Variants in MYO18B observed in about 807,000 individuals in gnomAD.
MYO18B encodes the protein unconventional myosin-XVIIIb.
A neutral mutation model predicts 273.0 loss-of-function variants in MYO18B; 204 were observed. That is an observed-to-expected ratio of 0.75 (90% CI 0.67 to 0.84). MYO18B has a LOEUF of 0.84. Ranked by LOEUF, MYO18B falls within the 40% of genes least tolerant of loss-of-function variation. The pLI is 0.00. For missense variants in MYO18B, 3,212 were observed against 3,287.6 expected, an observed-to-expected ratio of 0.98 and a Z score of 0.56; for synonymous variants, 1,330 against 1,305.7, an observed-to-expected ratio of 1.02 and a Z score of -0.40.
At chr22:26,047,522 G>A in the MYO18B span, among the ~76,000 whole-genome samples, 1 of 152,144 alleles carries the variant, frequency 6.6e-6, no homozygotes, top group Non-Finnish European at 1.5e-5. Context: ...TGGAGGAGGT[G>A]TCGCCAATAT....
chr22:25,781,096 T>C lies in MYO18B; in HGVS notation c.2212-638T>C, dbSNP rs146454546. ...CCTGGCCCTGAAATCCTACCCTTAA[T>C]CACTATTTGGGTTAAGGTATTAAAG... On this transcript the variant is annotated intron_variant, in intron 9 of 43. Transcript: ENST00000335473. Among the ~76,000 whole-genome samples the C allele has an allele frequency of 1.1e-3, 175 of 152,320 alleles. 1 individual carries two copies. Among genetic ancestry groups the C allele is most frequent in the African/African-American group, 4.1e-3 (170 of 41,566 alleles).
In MYO18B at chr22:25,946,174, A is replaced by G. The variant is rs748230180; in HGVS notation, c.5555A>G (p.Lys1852Arg). ...GAAGCCAAGTGTGAGGAGGCCTTGA[A>G]GACGCAGAAGGTGCTCACAGCGGAC... Reference protein sequence around the residue: ...QSEAKCEEALKTQKVLTADLE... With the variant: ...QSEAKCEEALRTQKVLTADLE... Residue 1852 changes from lysine to arginine, a missense_variant, in exon 35 of 44, where the codon AAG becomes AGG. Lys to Arg is a conservative substitution (Grantham distance 26). Transcript: ENST00000335473. The G allele has an allele frequency of 6.3e-7, 1 of 1,577,334 alleles. No homozygotes were observed. The highest frequency in any genetic ancestry group is 8.6e-7 in the Non-Finnish European group (1 of 1,164,734).
chr22:26,041,379 TA>T, the MYO18B span, among the ~76,000 whole-genome samples: 1 of 110,380 alleles, frequency 9.1e-6, no homozygotes. Context: ...AAAACAAAAC[TA>T]GAAAAATTAG....
At chr22:25,885,859 G>T (rs2091482885) in intron 25 of MYO18B, among the ~76,000 whole-genome samples, 1 of 152,208 alleles carries the variant, frequency 6.6e-6, no homozygotes, top group South Asian at 2.1e-4. Context: ...CCAGTGGGTG[G>T]TGTGTCACCC....
intron 8 of MYO18B, 65 bp from the exon 9 acceptor site, chr22:25,779,991 G>T: frequency 6.7e-7 from 1 of 1,494,758 alleles, no homozygotes; most frequent in Non-Finnish European, 8.9e-7. Flanking sequence ...AGGTGGACCT[G>T]TGTGAGGTGG....
chr22:25,757,093 T>G (rs1452380239), intron 1 of MYO18B, among the ~76,000 whole-genome samples: 2 of 152,096 alleles, frequency 1.3e-5, no homozygotes, highest in African/African-American at 2.4e-5. Context: ...TATTGTTAAC[T>G]ATAGTCATAT....
chr22:25,970,057 C>A (rs1181517699), intron 39 of MYO18B, among the ~76,000 whole-genome samples: 5 of 152,084 alleles, frequency 3.3e-5, no homozygotes, highest in Non-Finnish European at 7.4e-5. Context: ...GTTACCACAA[C>A]CATTACCATC....
intron 25 of MYO18B, among the ~76,000 whole-genome samples, chr22:25,878,868 C>T (rs1228799693): frequency 6.6e-6 from 1 of 152,214 alleles, no homozygotes; most frequent in Non-Finnish European, 1.5e-5. Flanking sequence ...GCTGGCCATT[C>T]CACCTCTAGG....
intron 21 of MYO18B, among the ~76,000 whole-genome samples, chr22:25,861,710 A>G (rs3091379): frequency 6.6e-6 from 1 of 151,930 alleles, no homozygotes; most frequent in Non-Finnish European, 1.5e-5. Flanking sequence ...TTTTAGTCCT[A>G]TCCTCCTTCA....
intron 12 of MYO18B, among the ~76,000 whole-genome samples, chr22:25,812,108 C>T (rs1179942695): frequency 6.6e-6 from 1 of 152,194 alleles, no homozygotes; most frequent in Non-Finnish European, 1.5e-5. Flanking sequence ...CTGCCATGCA[C>T]TGTGTCATTG....
At chr22:26,059,297 T>A in the MYO18B span, among the ~76,000 whole-genome samples, 1 of 152,130 alleles carries the variant, frequency 6.6e-6, no homozygotes, top group African/African-American at 2.4e-5. Flanking sequence ...CATTAGCAAA[T>A]GGAGTCAAAA....
At chr22:25,917,821 T>C (rs1601569970) in intron 33 of MYO18B, among the ~76,000 whole-genome samples, 1 of 152,334 alleles carries the variant, frequency 6.6e-6, no homozygotes, top group Middle Eastern at 3.4e-3. Flanking sequence ...TCAGAAGCTA[T>C]AAACTCTATT....
At chr22:25,970,628 G>A (rs1426118261) in intron 39 of MYO18B, among the ~76,000 whole-genome samples, 5 of 152,252 alleles carry the variant, frequency 3.3e-5, no homozygotes, top group Non-Finnish European at 5.9e-5. Context: ...GTTTTCAAAT[G>A]GAAAAAGAAA....
At position 25,998,367 on chromosome 22, in the gene MYO18B, G is replaced by A. The variant is rs140098788; in HGVS notation, c.6288-4898G>A. On this transcript the variant is annotated intron_variant, in intron 40 of 43. Transcript: ENST00000335473. ...GCTCTGTCTGTCACCTTGGCTAGGG[G>A]GTAAAGGGGTTTGGGCGAGATGTAG... 4.9e-3 allele frequency among the ~76,000 whole-genome samples: 747 copies of A among 152,302 alleles called. 2 individuals carry two copies. The highest frequency in any genetic ancestry group is 8.6e-3 in the Non-Finnish European group (588 of 68,024).
chr22:25,786,816 C>T (rs781779850), intron 11 of MYO18B, among the ~76,000 whole-genome samples: 1 of 152,000 alleles, frequency 6.6e-6, no homozygotes, highest in Non-Finnish European at 1.5e-5. Context: ...AAGTAATTCT[C>T]AAAACTCAAC....
chr22:25,976,919 A>T (rs576353126), intron 39 of MYO18B, among the ~76,000 whole-genome samples: 28 of 152,322 alleles, frequency 1.8e-4, no homozygotes, highest in African/African-American at 6.3e-4. Context: ...TGAAAAGAGA[A>T]GTGTGTCTCT....
At chr22:25,927,527 A>G (rs1038014197) in intron 34 of MYO18B, among the ~76,000 whole-genome samples, 14 of 152,160 alleles carry the variant, frequency 9.2e-5, no homozygotes, top group African/African-American at 3.1e-4. Flanking sequence ...ATCAATGACA[A>G]TGGTGCCTGA....
At chr22:26,013,062 A>G (rs970394780) in intron 42 of MYO18B, among the ~76,000 whole-genome samples, 2 of 152,024 alleles carry the variant, frequency 1.3e-5, no homozygotes, top group Non-Finnish European at 2.9e-5. Flanking sequence ...TGTAAATGGA[A>G]GCATCCAGTA....
intron 21 of MYO18B, among the ~76,000 whole-genome samples, chr22:25,857,723 G>A (rs541872612): frequency 1.3e-5 from 2 of 152,216 alleles, no homozygotes; most frequent in Admixed American, 6.5e-5. Flanking sequence ...GTGCTATCTC[G>A]GCTCACTGCA....
Sources: gnomAD v4.1 joint callset for allele counts (sites outside exome capture counted in the v4.1 genomes callset) on GRCh38, gnomAD v4.1.1 for gene constraint, MANE v1.5 for transcripts, NCBI Gene and HGNC (gene_info 2026-07-23, HGNC 2026-07-21) for gene names.